IRAK1BP1: variants seen among roughly 807,000 people sequenced by gnomAD.
The protein encoded by IRAK1BP1 is interleukin 1 receptor associated kinase 1 binding protein 1.
A neutral mutation model predicts 28.0 loss-of-function variants in IRAK1BP1; 24 were observed. The ratio of observed to expected loss-of-function variants is 0.86; its 90% CI spans 0.62 to 1.20. IRAK1BP1 has a LOEUF of 1.20. Ranked by LOEUF, IRAK1BP1 falls within the 50% of genes most tolerant of loss-of-function variation. IRAK1BP1 has a pLI of 0.00. For missense variants in IRAK1BP1, 336 were observed against 316.7 expected, an observed-to-expected ratio of 1.06 and a Z score of -0.46; for synonymous variants, 131 against 116.3, an observed-to-expected ratio of 1.13 and a Z score of -0.81.
chr6:78,906,244 A>T (rs1214966570), downstream of IRAK1BP1, among the ~76,000 whole-genome samples: 2 of 151,952 alleles, frequency 1.3e-5, no homozygotes, highest in Non-Finnish European at 2.9e-5. Flanking sequence ...TTTTCTGAGT[A>T]ACCTAGTTTA....
At position 78,888,335 on chromosome 6, in the gene IRAK1BP1, CATGTT is replaced by C. The variant is rs148313243; in HGVS notation, c.381+2893_381+2897del. Among the ~76,000 whole-genome samples the C allele has an allele frequency of 2.8e-3, 427 of 151,708 alleles. 2 individuals are homozygous for C. The highest frequency in any genetic ancestry group is 9.9e-3 in the African/African-American group (411 of 41,326). ...AAAAATTTGTTAAGAGGGTAGATCT[CATGTT>C]GTGTTGTTATCATACACATACACAA... On this transcript the variant is annotated intron_variant, in intron 2 of 3. Coordinates refer to ENST00000369940, the MANE Select transcript of IRAK1BP1 (RefSeq NM_001010844.4).
intron 4 of IRAK1BP1, among the ~76,000 whole-genome samples, chr6:78,917,632 TAAAAA>T (rs35313944): frequency 3.1e-5 from 2 of 63,690 alleles, no homozygotes; most frequent in Non-Finnish European, 5.8e-5. Flanking sequence ...AAGTCAACAC[TAAAAA>T]AAAAAAAAAA....
At chr6:78,932,697 G>A in intron 4 of IRAK1BP1, among the ~76,000 whole-genome samples, 1 of 151,996 alleles carries the variant, frequency 6.6e-6, no homozygotes. Context: ...GGGATTACAG[G>A]CGTGAGCCAC....
At chr6:78,972,221 C>T in the IRAK1BP1 span, among the ~76,000 whole-genome samples, 2,975 of 152,274 alleles carry the variant, frequency 0.02, 83 homozygotes, top group African/African-American at 0.068. Flanking sequence ...TCCCTGACCC[C>T]TGACCCCTGA....
chr6:78,939,169 CAAAT>C (rs1266732841), intron 4 of IRAK1BP1: 4 of 151,764 alleles, frequency 2.6e-5, no homozygotes, highest in Admixed American at 6.6e-5. Flanking sequence ...GTACCATAAA[CAAAT>C]AAATAACTGC....
intron 2 of IRAK1BP1, among the ~76,000 whole-genome samples, chr6:78,888,935 T>G (rs1440180549): frequency 6.6e-6 from 1 of 151,474 alleles, no homozygotes; most frequent in African/African-American, 2.4e-5. Flanking sequence ...CTGGGCAACA[T>G]GGTAAAACCC....
the IRAK1BP1 span, chr6:78,961,649 C>T: frequency 6.3e-7 from 1 of 1,596,212 alleles, no homozygotes; most frequent in Non-Finnish European, 8.6e-7. Flanking sequence ...GGAAAGATCA[C>T]CAGCTTTCCT....
rs1451799058 is a variant in IRAK1BP1, at chr6:78,902,637, G to A, written c.*4303G>A. On this transcript the variant is annotated 3_prime_UTR_variant, in exon 4 of 4. Coordinates refer to ENST00000369940, the MANE Select transcript of IRAK1BP1 (RefSeq NM_001010844.4). Reference sequence around the variant, plus strand: ...AATACAGAAGTTACTCAGGCGTGGTGGCGTGTGACTGTAATCTCAGCTACC... The same window carrying A: ...AATACAGAAGTTACTCAGGCGTGGTAGCGTGTGACTGTAATCTCAGCTACC... 1 of 185,554 alleles carries A rather than the reference G, an allele frequency of 5.4e-6. No homozygotes were observed. The allele number at this position is 185,554 out of a possible 1,614,324, so 11.5% of individuals were successfully genotyped here.
In IRAK1BP1 at chr6:78,867,560, A is replaced by G; in HGVS notation, c.-17A>G. 1 of 1,608,738 alleles carries G rather than the reference A, an allele frequency of 6.2e-7. No individual in the cohort carries two copies. The highest frequency in any genetic ancestry group is 8.5e-7 in the Non-Finnish European group (1 of 1,177,154). On this transcript the variant is annotated 5_prime_UTR_variant, in exon 1 of 4. Coordinates refer to ENST00000369940, the MANE Select transcript of IRAK1BP1 (RefSeq NM_001010844.4). ...CCGTCGGCCGGTAGTTACTATGGAA[A>G]CCCAGCTGCCATCGCTATGTCTCTG... is the stretch of plus-strand genomic sequence containing the variant.
chr6:78,978,809 G>A, the IRAK1BP1 span: 45 of 971,302 alleles, frequency 4.6e-5, no homozygotes, highest in Non-Finnish European at 6.6e-5. Flanking sequence ...TTAAATAAAA[G>A]GGGAAGGGCA....
chr6:78,874,255 A>G (rs952913104), intron 1 of IRAK1BP1, among the ~76,000 whole-genome samples: 1 of 152,206 alleles, frequency 6.6e-6, no homozygotes, highest in Non-Finnish European at 1.5e-5. Flanking sequence ...ATTTCTGTCC[A>G]TCTTTTAACC....
chr6:78,903,027 C>A lies in IRAK1BP1; in HGVS notation c.*4693C>A, dbSNP rs1233110411. ...AATCCTTCTTCAACATCCCAACCAA[C>A]AATTACTCCCAGATAGCCATGTCAC... On this transcript the variant is annotated 3_prime_UTR_variant, in exon 4 of 4. Transcript: ENST00000369940. 2.0e-6 allele frequency: 3 copies of A among 1,532,504 alleles called. No individual in the cohort carries two copies. Among genetic ancestry groups the A allele is most frequent in the Non-Finnish European group, 8.7e-7 (1 of 1,143,896 alleles). The allele number at this position is 1,532,504 out of a possible 1,614,324, so 94.9% of individuals were successfully genotyped here.
chr6:78,917,782 G>T (rs1389970496), intron 4 of IRAK1BP1, among the ~76,000 whole-genome samples: 1 of 151,878 alleles, frequency 6.6e-6, no homozygotes, highest in Non-Finnish European at 1.5e-5. Context: ...CATTCTTAAA[G>T]AAAAGAAATT....
the IRAK1BP1 span, among the ~76,000 whole-genome samples, chr6:78,954,064 A>G: frequency 6.6e-6 from 1 of 152,126 alleles, no homozygotes; most frequent in African/African-American, 2.4e-5. Context: ...CAATAATGTC[A>G]CCTTACATTT....
chr6:78,881,545 C>G (rs960446759), intron 1 of IRAK1BP1, among the ~76,000 whole-genome samples: 1 of 152,088 alleles, frequency 6.6e-6, no homozygotes, highest in Non-Finnish European at 1.5e-5. Flanking sequence ...ATCAAAGAGC[C>G]TATCACAGGA....
exon 5 of IRAK1BP1, chr6:78,945,609 T>G (rs527685836): frequency 2.8e-6 from 2 of 702,212 alleles, no homozygotes; most frequent in African/African-American, 3.6e-5. Flanking sequence ...TGAAGGATGC[T>G]TAAAGCTTTC....
chr6:78,972,566 G>A, the IRAK1BP1 span, among the ~76,000 whole-genome samples: 6 of 152,272 alleles, frequency 3.9e-5, 1 homozygote, highest in South Asian at 8.3e-4. Flanking sequence ...GGCTTCAGAC[G>A]ATCAAATTAC....
downstream of IRAK1BP1, among the ~76,000 whole-genome samples, chr6:78,904,717 A>G (rs1405170116): frequency 6.6e-6 from 1 of 152,196 alleles, no homozygotes; most frequent in Non-Finnish European, 1.5e-5. Flanking sequence ...AAATAGCATC[A>G]AAAGAAATTG....
rs553028988 is a variant in IRAK1BP1, at chr6:78,898,604, C to T, written c.*270C>T. On this transcript the variant is annotated 3_prime_UTR_variant, in exon 4 of 4. Coordinates refer to ENST00000369940, the MANE Select transcript of IRAK1BP1 (RefSeq NM_001010844.4). ...CATACTTATATACTGACAGTTCATA[C>T]AAGCACATGTGTAATATTTCTATTA... 6.6e-6 allele frequency: 1 copy of T among 151,434 alleles called. No homozygotes were observed. Among genetic ancestry groups the T allele is most frequent in the South Asian group, 2.1e-4 (1 of 4,808 alleles). The allele number at this position is 151,434 out of a possible 1,614,324, so 9.4% of individuals were successfully genotyped here. A position where few individuals can be genotyped will look rare whatever the true frequency, so the allele number is the denominator to read the frequency against.
Sources: gnomAD v4.1 joint callset for allele counts (sites outside exome capture counted in the v4.1 genomes callset) on GRCh38, gnomAD v4.1.1 for gene constraint, MANE v1.5 for transcripts, NCBI Gene and HGNC (gene_info 2026-07-23, HGNC 2026-07-21) for gene names.